FSTL5: variants seen among roughly 807,000 people sequenced by gnomAD.
FSTL5 encodes the protein follistatin-related protein 5.
A neutral mutation model predicts 89.1 loss-of-function variants in FSTL5; 62 were observed. The ratio of observed to expected loss-of-function variants is 0.70; its 90% CI spans 0.57 to 0.86. The LOEUF is 0.86. Ranked by LOEUF, FSTL5 falls within the 40% of genes least tolerant of loss-of-function variation. The probability of loss-of-function intolerance (pLI) is 0.00; values close to 1 mark genes in which losing one functional copy is unlikely to be tolerated. For synonymous variants in FSTL5, 383 were observed against 346.2 expected, an observed-to-expected ratio of 1.11 and a Z score of -1.18; for missense variants, 1,057 against 1,001.6, an observed-to-expected ratio of 1.06 and a Z score of -0.75.
At chr4:162,019,757 T>A (rs2111153136) in intron 3 of FSTL5, among the ~76,000 whole-genome samples, 1 of 136,884 alleles carries the variant, frequency 7.3e-6, no homozygotes, top group East Asian at 2.0e-4. Context: ...TCTCTCTTTC[T>A]CTCTCTCTTT....
chr4:161,885,404 C>T (rs1203548245), intron 4 of FSTL5, among the ~76,000 whole-genome samples: 2 of 151,816 alleles, frequency 1.3e-5, no homozygotes, highest in African/African-American at 4.9e-5. Flanking sequence ...GAAGTGTATA[C>T]ATACAATGGC....
intron 6 of FSTL5, among the ~76,000 whole-genome samples, chr4:161,703,187 T>C (rs1397147981): frequency 2.0e-5 from 3 of 151,802 alleles, no homozygotes; most frequent in African/African-American, 7.3e-5. Context: ...GTGAGAAAAA[T>C]ATATATCTCT....
At chr4:161,931,844 C>G (rs1302133674) in intron 3 of FSTL5, among the ~76,000 whole-genome samples, 1 of 151,908 alleles carries the variant, frequency 6.6e-6, no homozygotes, top group African/African-American at 2.4e-5. Context: ...CAACAACATT[C>G]TAAAATGGTC....
intron 15 of FSTL5, among the ~76,000 whole-genome samples, chr4:161,408,256 C>T (rs1731458897): frequency 6.6e-6 from 1 of 152,202 alleles, no homozygotes; most frequent in Admixed American, 6.5e-5. Flanking sequence ...AACCTATCTA[C>T]TGCCCGTTGC....
intron 1 of FSTL5, among the ~76,000 whole-genome samples, chr4:162,159,628 T>C (rs1240980804): frequency 6.6e-6 from 1 of 152,016 alleles, no homozygotes; most frequent in East Asian, 1.9e-4. Context: ...AAATATGTTA[T>C]GCGCAGGGAT....
chr4:161,624,484 ATATT>A (rs1377902291), intron 7 of FSTL5, among the ~76,000 whole-genome samples: 1 of 151,836 alleles, frequency 6.6e-6, no homozygotes, highest in East Asian at 1.9e-4. Context: ...GATTAAATGT[ATATT>A]TATCATTTAT....
chr4:161,670,593 A>G (rs1737064830), intron 6 of FSTL5, among the ~76,000 whole-genome samples: 1 of 152,224 alleles, frequency 6.6e-6, no homozygotes, highest in Non-Finnish European at 1.5e-5. Context: ...TTCAGCTAAA[A>G]GAGATTGCTA....
At chr4:161,928,532 C>G (rs1313897059) in intron 3 of FSTL5, among the ~76,000 whole-genome samples, 2 of 151,766 alleles carry the variant, frequency 1.3e-5, no homozygotes, top group Non-Finnish European at 2.9e-5. Context: ...TGCATTCCCA[C>G]CAGCAATGAA....
At chr4:161,399,435 C>T (rs1037930980) in intron 15 of FSTL5, among the ~76,000 whole-genome samples, 2 of 152,126 alleles carry the variant, frequency 1.3e-5, no homozygotes, top group African/African-American at 4.8e-5. Context: ...AATACACTTA[C>T]AGTACTGTAC....
intron 1 of FSTL5, among the ~76,000 whole-genome samples, chr4:162,158,304 G>C (rs1733562612): frequency 6.6e-6 from 1 of 151,964 alleles, no homozygotes; most frequent in African/African-American, 2.4e-5. Context: ...AACACTGGCT[G>C]CTGCTAAAAT....
intron 15 of FSTL5, among the ~76,000 whole-genome samples, chr4:161,402,419 T>C (rs993623059): frequency 2.0e-5 from 3 of 152,218 alleles, no homozygotes; most frequent in South Asian, 2.1e-4. Flanking sequence ...ATCTGAGTAG[T>C]GCATTTTTGA....
chr4:161,878,600 C>A (rs1732524138), intron 4 of FSTL5, among the ~76,000 whole-genome samples: 1 of 151,690 alleles, frequency 6.6e-6, no homozygotes. Context: ...TAAGAAAATA[C>A]AACGTTAGAA....
chr4:161,725,174 C>T (rs1739354814), intron 6 of FSTL5, among the ~76,000 whole-genome samples: 3 of 151,802 alleles, frequency 2.0e-5, no homozygotes, highest in Admixed American at 1.3e-4. Context: ...CCAGCCTGTC[C>T]GTCTCAAAAA....
intron 5 of FSTL5, among the ~76,000 whole-genome samples, chr4:161,767,118 T>A (rs897772516): frequency 2.0e-5 from 3 of 152,224 alleles, no homozygotes; most frequent in Non-Finnish European, 1.5e-5. Context: ...AGCTCTATGC[T>A]CCTTTTCATA....
intron 15 of FSTL5, among the ~76,000 whole-genome samples, chr4:161,447,927 T>C (rs940894923): frequency 1.7e-4 from 26 of 152,222 alleles, no homozygotes; most frequent in African/African-American, 5.5e-4. Context: ...TGTTTTCAGA[T>C]AGTGAAGTAG....
chr4:161,685,486 A>G (rs1302720319), intron 6 of FSTL5, among the ~76,000 whole-genome samples: 2 of 151,954 alleles, frequency 1.3e-5, no homozygotes, highest in African/African-American at 4.8e-5. Flanking sequence ...TATATTCCTA[A>G]GTGTTTTATT....
intron 6 of FSTL5, among the ~76,000 whole-genome samples, chr4:161,732,680 G>T (rs1269729269): frequency 1.3e-5 from 2 of 151,874 alleles, no homozygotes; most frequent in Non-Finnish European, 2.9e-5. Flanking sequence ...TATGATGTGA[G>T]GTAAGGATTA....
chr4:161,604,444 A>G (rs1478851037), intron 7 of FSTL5, among the ~76,000 whole-genome samples: 1 of 152,184 alleles, frequency 6.6e-6, no homozygotes, highest in Non-Finnish European at 1.5e-5. Flanking sequence ...ATGGAAAGTT[A>G]TATACTAAAG....
chr4:161,390,368 TGTAAG>T (rs1730781414), intron 15 of FSTL5, among the ~76,000 whole-genome samples: 2 of 152,200 alleles, frequency 1.3e-5, no homozygotes, highest in Admixed American at 1.3e-4. Context: ...TCAGGAGACT[TGTAAG>T]GGAAGTTATT....
Sources: gnomAD v4.1 joint callset for allele counts (sites outside exome capture counted in the v4.1 genomes callset) on GRCh38, gnomAD v4.1.1 for gene constraint, MANE v1.5 for transcripts, NCBI Gene and HGNC (gene_info 2026-07-23, HGNC 2026-07-21) for gene names.